Variants in IL6R observed in about 807,000 individuals in gnomAD.
IL6R encodes the protein interleukin 6 receptor.
In IL6R, 38 loss-of-function variants were observed where a neutral mutation model predicts 48.3. The ratio of observed to expected loss-of-function variants is 0.79; its 90% CI spans 0.61 to 1.03. The LOEUF (loss-of-function observed/expected upper bound fraction) is 1.03. Among genes scored for constraint, IL6R ranks in the 50% least tolerant of loss-of-function variants. IL6R has a pLI of 0.00. For synonymous variants in IL6R, 264 were observed against 256.2 expected (o/e 1.03, Z -0.29); for missense variants, 534 against 618.3 (o/e 0.86, Z 1.45).
At position 154,457,411 on chromosome 1, in the gene IL6R, CA is replaced by C. The variant is rs1173887268; in HGVS notation, c.1160+2831del. ...CACAGTTAAATCCAAGGCGCCCAAG[CA>C]GGACCTCCTTAGGAATATTCCATGT... On this transcript the variant is annotated intron_variant, in intron 9 of 9. Transcript: ENST00000368485. Among the ~76,000 whole-genome samples the C allele has an allele frequency of 3.3e-5, 5 of 151,580 alleles. No homozygotes were observed. In the South Asian group the frequency reaches 6.2e-4, roughly 19 times the overall value.
chr1:154,430,427 C>A, intron 2 of IL6R, 56 bp from the exon 3 acceptor site: 1 of 1,595,324 alleles, frequency 6.3e-7, no homozygotes, highest in South Asian at 1.1e-5. Flanking sequence ...TCTGCGAGGT[C>A]AGTGCGCCCC....
At chr1:154,433,868 AC>A (rs1242649003) in intron 3 of IL6R, among the ~76,000 whole-genome samples, 1 of 151,950 alleles carries the variant, frequency 6.6e-6, no homozygotes, top group Non-Finnish European at 1.5e-5. Flanking sequence ...GGCATGCGCC[AC>A]CACGCCAGGC....
intron 1 of IL6R, chr1:154,418,418 G>A: frequency 2.0e-6 from 2 of 984,932 alleles, no homozygotes; most frequent in Non-Finnish European, 2.4e-6. Context: ...TGGATGGGAG[G>A]AAGGCAAGGC....
chr1:154,453,580 A>G (rs1690710289), intron 8 of IL6R, among the ~76,000 whole-genome samples: 1 of 152,238 alleles, frequency 6.6e-6, no homozygotes, highest in Non-Finnish European at 1.5e-5. Context: ...GTGGGAAGAC[A>G]TGGCTGCTTG....
intron 4 of IL6R, 45 bp downstream of exon 4, chr1:154,434,745 G>A: frequency 6.4e-7 from 1 of 1,553,154 alleles, no homozygotes; most frequent in Non-Finnish European, 8.8e-7. Flanking sequence ...CTTCTCTTTT[G>A]ATTTAATACT....
At chr1:154,407,795 G>A (rs1687818513) in intron 1 of IL6R, among the ~76,000 whole-genome samples, 1 of 152,294 alleles carries the variant, frequency 6.6e-6, no homozygotes, top group East Asian at 1.9e-4. Flanking sequence ...TGTACTCGTT[G>A]TCTAAGGGCC....
chr1:154,408,607 A>G (rs1687863896), intron 1 of IL6R, among the ~76,000 whole-genome samples: 1 of 152,092 alleles, frequency 6.6e-6, no homozygotes, highest in Non-Finnish European at 1.5e-5. Flanking sequence ...CCTGACCCTC[A>G]TCTCCAGCCC....
chr1:154,430,441 A>G, intron 2 of IL6R, 42 bp from the exon 3 acceptor site: 1 of 1,607,026 alleles, frequency 6.2e-7, no homozygotes, highest in African/African-American at 1.3e-5. Flanking sequence ...GCGCCCCAGG[A>G]TCCCCGCCCG....
intron 1 of IL6R, among the ~76,000 whole-genome samples, chr1:154,410,647 T>C (rs985297925): frequency 5.9e-5 from 9 of 152,216 alleles, no homozygotes; most frequent in Non-Finnish European, 1.2e-4. Context: ...CAGAGGCTTT[T>C]CTGCCACTGG....
chr1:154,408,211 C>T (rs774469321), intron 1 of IL6R, among the ~76,000 whole-genome samples: 13 of 152,178 alleles, frequency 8.5e-5, no homozygotes, highest in Admixed American at 2.0e-4. Context: ...GATTCTTAGG[C>T]ACTGTCAGGT....
intron 6 of IL6R, among the ~76,000 whole-genome samples, chr1:154,447,530 T>TAC (rs372913830): frequency 0.025 from 1,749 of 70,780 alleles, 83 homozygotes; most frequent in African/African-American, 0.057. Context: ...TACATATATA[T>TAC]ACACATACAT....
chr1:154,447,554 CACATATATATATATACACAT>C (rs1690333789), intron 6 of IL6R, among the ~76,000 whole-genome samples: 1 of 110,716 alleles, frequency 9.0e-6, no homozygotes, highest in Non-Finnish European at 1.6e-5. Context: ...TATACACATA[CACATATATATATATACACAT>C]ACATATATAT....
chr1:154,448,875 CT>C (rs757221328), intron 7 of IL6R, among the ~76,000 whole-genome samples: 1,806 of 73,160 alleles, frequency 0.025, 279 homozygotes, highest in African/African-American at 0.085. Context: ...CTTGTAAGGG[CT>C]TTTTTTTTTT....
At chr1:154,447,444 A>ATTT (rs1690292966) in intron 6 of IL6R, among the ~76,000 whole-genome samples, 1 of 66,846 alleles carries the variant, frequency 1.5e-5, no homozygotes, top group Non-Finnish European at 2.7e-5. Context: ...ATCTCAAAAA[A>ATTT]AAAAAAAAAA....
In IL6R at chr1:154,423,260, AATATATATAT is replaced by A. The variant is rs35079361; in HGVS notation, c.86-5921_86-5912del. On this transcript the variant is annotated intron_variant, in intron 1 of 9. Coordinates refer to ENST00000368485, the MANE Select transcript of IL6R (RefSeq NM_000565.4). Reference sequence around the variant, plus strand: ...CCAGGCTATGTAGCTTGTTTAATTAAATATATATATATATATATATATATGTATTCATTAT... The same window carrying A: ...CCAGGCTATGTAGCTTGTTTAATTAAATATATATATATATGTATTCATTAT... Among the ~76,000 whole-genome samples, 66 of 85,462 alleles carry A rather than the reference AATATATATAT, an allele frequency of 7.7e-4. 2 individuals are homozygous for A. The highest frequency in any genetic ancestry group is 1.8e-3 in the African/African-American group (48 of 26,114). The allele number at this position is 85,462 out of a possible 152,430, so 56.1% of individuals were successfully genotyped here. A position where few individuals can be genotyped will look rare whatever the true frequency, so the allele number is the denominator to read the frequency against.
intron 1 of IL6R, among the ~76,000 whole-genome samples, chr1:154,428,642 A>G (rs1689108864): frequency 6.6e-6 from 1 of 152,188 alleles, no homozygotes; most frequent in Non-Finnish European, 1.5e-5. Context: ...TGGTGCTTGG[A>G]GTCTTGAGGG....
intron 1 of IL6R, among the ~76,000 whole-genome samples, chr1:154,417,227 G>A (rs1466601828): frequency 1.3e-5 from 2 of 152,224 alleles, no homozygotes; most frequent in African/African-American, 2.4e-5. Flanking sequence ...AGAGGGCTGC[G>A]TGTTAAGCCT....
chr1:154,419,521 A>T (rs928933845), intron 1 of IL6R, among the ~76,000 whole-genome samples: 52 of 152,164 alleles, frequency 3.4e-4, no homozygotes, highest in African/African-American at 1.1e-3. Flanking sequence ...CCCCTTCTGA[A>T]ATCCTATGCC....
At chr1:154,413,053 G>A (rs1688123722) in intron 1 of IL6R, among the ~76,000 whole-genome samples, 1 of 149,004 alleles carries the variant, frequency 6.7e-6, no homozygotes, top group Admixed American at 6.8e-5. Context: ...TCAGACTTGA[G>A]TGCAGTGGCA....
Sources: allele counts gnomAD v4.1 joint callset (sites outside exome capture counted in the v4.1 genomes callset), GRCh38; gene constraint gnomAD v4.1.1; transcripts MANE v1.5; gene names NCBI Gene and HGNC (gene_info 2026-07-23, HGNC 2026-07-21).